Variants in KIF26B observed in about 807,000 individuals in gnomAD.
The protein encoded by KIF26B is kinesin family member 26B.
In KIF26B, 63 loss-of-function variants were observed where a neutral mutation model predicts 151.2. The observed-to-expected ratio is 0.42, with a 90% CI of 0.34 to 0.51. KIF26B has a LOEUF of 0.51. KIF26B is among the 20% of genes least tolerant of loss of function. KIF26B has a pLI of 0.07. For synonymous variants in KIF26B, 1,357 were observed against 1,262.1 expected (o/e 1.08, Z -1.59); for missense variants, 2,813 against 2,913.6 (o/e 0.97, Z 0.79).
chr1:245,591,760 C>G (rs993747205), intron 5 of KIF26B, among the ~76,000 whole-genome samples: 2 of 152,160 alleles, frequency 1.3e-5, no homozygotes, highest in Non-Finnish European at 2.9e-5. Context: ...GAGGATGAGG[C>G]CCCTTCTAAC....
At chr1:245,656,725 C>A (rs2044078635) in intron 10 of KIF26B, among the ~76,000 whole-genome samples, 1 of 152,170 alleles carries the variant, frequency 6.6e-6, no homozygotes, top group African/African-American at 2.4e-5. Context: ...TTTAATAGAG[C>A]TTCAGTCAGA....
At chr1:245,555,470 C>T (rs1005863724) in intron 5 of KIF26B, among the ~76,000 whole-genome samples, 3 of 152,146 alleles carry the variant, frequency 2.0e-5, no homozygotes, top group African/African-American at 7.2e-5. Context: ...TGGACAGACT[C>T]CTGTCCTCTC....
chr1:245,306,808 CAT>C (rs1671563801), intron 2 of KIF26B, among the ~76,000 whole-genome samples: 1 of 152,176 alleles, frequency 6.6e-6, no homozygotes, highest in South Asian at 2.1e-4. Context: ...CTGTATCTGT[CAT>C]ATGATCTCTA....
At chr1:245,284,441 G>A (rs964766171) in intron 2 of KIF26B, among the ~76,000 whole-genome samples, 1 of 152,090 alleles carries the variant, frequency 6.6e-6, no homozygotes, top group African/African-American at 2.4e-5. Context: ...GAAAACGCAG[G>A]TGGTGTAAAT....
At chr1:245,338,953 A>C (rs1476818701) in intron 2 of KIF26B, among the ~76,000 whole-genome samples, 2 of 150,550 alleles carry the variant, frequency 1.3e-5, no homozygotes, top group Non-Finnish European at 2.9e-5. Context: ...CAAGAAAGGT[A>C]TGCTTCATAG....
chr1:245,368,389 T>C (rs377513515), intron 3 of KIF26B, among the ~76,000 whole-genome samples: 1 of 151,840 alleles, frequency 6.6e-6, no homozygotes, highest in East Asian at 1.9e-4. Context: ...GCATCAGGGG[T>C]GTGGGAAGCA....
chr1:245,689,837 C>T (rs1446581317), intron 12 of KIF26B, among the ~76,000 whole-genome samples: 2 of 152,148 alleles, frequency 1.3e-5, no homozygotes, highest in African/African-American at 4.8e-5. Flanking sequence ...GGATTACAGG[C>T]GTGAGCCACC....
At chr1:245,243,675 C>T (rs1279733606) in intron 2 of KIF26B, among the ~76,000 whole-genome samples, 3 of 151,842 alleles carry the variant, frequency 2.0e-5, no homozygotes, top group Middle Eastern at 3.2e-3. Flanking sequence ...ATACAAACTC[C>T]ATCTGTAATA....
intron 2 of KIF26B, among the ~76,000 whole-genome samples, chr1:245,364,303 C>G (rs1672889409): frequency 6.6e-6 from 1 of 152,072 alleles, no homozygotes; most frequent in Non-Finnish European, 1.5e-5. Context: ...CCAGGGATGG[C>G]TCATGCGGTT....
intron 4 of KIF26B, among the ~76,000 whole-genome samples, chr1:245,494,121 A>T (rs533413765): frequency 6.6e-6 from 1 of 152,100 alleles, no homozygotes; most frequent in African/African-American, 2.4e-5. Flanking sequence ...CATCACCAAC[A>T]TGGTGAAACC....
At position 245,601,184 on chromosome 1, in the gene KIF26B, A is replaced by G. The variant is rs2043392163; in HGVS notation, c.1351-1393A>G. Among the ~76,000 whole-genome samples, 1 of 152,170 alleles carries G rather than the reference A, an allele frequency of 6.6e-6. No homozygotes were observed. Among genetic ancestry groups the G allele is most frequent in the South Asian group, 2.1e-4 (1 of 4,822 alleles). ...TGCGTCCCACACTCGGGCTCCTTCT[A>G]CTGGGACACTGGCTTCCGGATCTCC... On this transcript the variant is annotated intron_variant, in intron 5 of 14. Coordinates refer to ENST00000407071, the MANE Select transcript of KIF26B (RefSeq NM_018012.4). This position sits in a 1 kb window ranked among gnomAD's most constrained non-coding sequence, Gnocchi z 4.4.
intron 3 of KIF26B, among the ~76,000 whole-genome samples, chr1:245,390,935 A>ACAAAAAC (rs916888416): frequency 1.4e-5 from 2 of 144,878 alleles, no homozygotes; most frequent in African/African-American, 5.2e-5. Flanking sequence ...AAAAAAAAAA[A>ACAAAAAC]AAAAAAAAAA....
rs533981167 is a variant in KIF26B, at chr1:245,253,840, C to T, written c.465+97157C>T. Among the ~76,000 whole-genome samples, 495 of 115,764 alleles carry T rather than the reference C, an allele frequency of 4.3e-3. 2 individuals carry two copies. Among genetic ancestry groups the T allele is most frequent in the Non-Finnish European group, 5.6e-3 (343 of 61,134 alleles). 75.9% of individuals were successfully genotyped at this position (115,764 alleles called of 152,430 possible). On this transcript the variant is annotated intron_variant, in intron 2 of 14. Transcript: ENST00000407071. ...TTTTTTTTTTTTTGAAACAGAGTCT[C>T]GCTCTGCTGCGCAGGCTGGAGTGCA...
chr1:245,293,307 A>C (rs986086453), intron 2 of KIF26B, among the ~76,000 whole-genome samples: 1 of 152,024 alleles, frequency 6.6e-6, no homozygotes, highest in Non-Finnish European at 1.5e-5. Context: ...GATTGACACT[A>C]TGCTGCAGGA....
intron 4 of KIF26B, among the ~76,000 whole-genome samples, chr1:245,514,789 T>C (rs1660913848): frequency 6.6e-6 from 1 of 152,190 alleles, no homozygotes; most frequent in East Asian, 1.9e-4. Flanking sequence ...GAGCTACTGC[T>C]GGTCATTGCT....
chr1:245,639,511 AGGTTT>A (rs764888556), intron 9 of KIF26B, among the ~76,000 whole-genome samples: 2 of 151,410 alleles, frequency 1.3e-5, no homozygotes, highest in Non-Finnish European at 3.0e-5. Flanking sequence ...TACTAATTTT[AGGTTT>A]GGTTTGTTTT....
rs547509595 is a variant in KIF26B at position 245,409,995 on chromosome 1, G to A, written c.1000-9584G>A. Reference sequence around the variant, plus strand: ...TGGAATACTACATTATGGAAGGAATGCTAACTGGTCATTCACGTGTGACTT... The same window carrying A: ...TGGAATACTACATTATGGAAGGAATACTAACTGGTCATTCACGTGTGACTT... On this transcript the variant is annotated intron_variant, in intron 3 of 14. Transcript: ENST00000407071. Among the ~76,000 whole-genome samples the A allele has an allele frequency of 3.3e-5, 5 of 152,358 alleles. No homozygotes were observed. In the South Asian group the frequency reaches 1.0e-3, roughly 32 times the overall value.
rs181407482 is a variant in KIF26B, at chr1:245,444,495, T to G, written c.1166+24750T>G. On this transcript the variant is annotated intron_variant, in intron 4 of 14. Coordinates refer to ENST00000407071, the MANE Select transcript of KIF26B (RefSeq NM_018012.4). ...GGAAATGGGAAAAGAGCCGCAAGAT[T>G]AACCAGATACCCGTGGTATTTTCAA... Among the ~76,000 whole-genome samples, 26 of 152,362 alleles carry G rather than the reference T, an allele frequency of 1.7e-4. 1 individual carries two copies. The highest frequency in any genetic ancestry group is 1.6e-3 in the Admixed American group (24 of 15,308).
intron 2 of KIF26B, among the ~76,000 whole-genome samples, chr1:245,180,208 G>A (rs546674160): frequency 6.6e-6 from 1 of 152,324 alleles, no homozygotes; most frequent in African/African-American, 2.4e-5. Flanking sequence ...GAGGATGTCA[G>A]ATCCTCCCCC....
Sources: gnomAD v4.1 joint callset for allele counts (sites outside exome capture counted in the v4.1 genomes callset) on GRCh38, gnomAD v4.1.1 for gene constraint, Gnocchi (gnomAD v3.1) non-coding constraint, MANE v1.5 for transcripts, NCBI Gene and HGNC (gene_info 2026-07-23, HGNC 2026-07-21) for gene names.